Variants in SLC5A10 observed in about 807,000 individuals in gnomAD.
The protein encoded by SLC5A10 is sodium/mannose cotransporter SLC5A10.
Under a neutral mutation model 68.9 loss-of-function variants are expected in SLC5A10, and 55 were observed. That is an observed-to-expected ratio of 0.80 (90% confidence interval 0.64 to 1.00). SLC5A10 has a LOEUF of 1.00. Ranked by LOEUF, SLC5A10 falls within the 50% of genes least tolerant of loss-of-function variation. The probability of loss-of-function intolerance (pLI) is 0.00; values close to 1 mark genes in which losing one functional copy is unlikely to be tolerated. For synonymous variants in SLC5A10, 344 were observed against 344.8 expected (o/e 1.00, Z 0.02); for missense variants, 732 against 819.3 (o/e 0.89, Z 1.30).
chr17:18,952,304 C>T lies in SLC5A10; in HGVS notation c.99C>T (p.Ala33=), dbSNP rs752810535. Residue 33 remains alanine (A), a synonymous_variant, in exon 1 of 15, where the codon GCC becomes GCT. Transcript: ENST00000395645. ...CTGTGTATTTTGCTCTGAATGTGGC[C>T]GTGGGCATATGGGTAAGGGGACCTG... ...VITVYFALNV[A]VGIWSSCRAS... The T allele has an allele frequency of 2.2e-5, 35 of 1,612,466 alleles. No homozygotes were observed. The highest frequency in any genetic ancestry group is 8.9e-5 in the East Asian group (4 of 44,822).
At chr17:18,986,767 C>T (rs1246969495) in intron 9 of SLC5A10, among the ~76,000 whole-genome samples, 6 of 152,212 alleles carry the variant, frequency 3.9e-5, no homozygotes, top group Admixed American at 6.5e-5. Context: ...GCAAAGCACT[C>T]GCTGGGCCTG....
rs775941601 is a variant in SLC5A10 at position 19,003,885 on chromosome 17, C to A, written c.983-9525C>A. ...TCCGAGAGGAAGTCTCGGATGTTCT[C>A]CCGCTTGAGCACCTCGTAGAAGGCG... On this transcript the variant is annotated intron_variant, in intron 9 of 14. Coordinates refer to ENST00000395645, the MANE Select transcript of SLC5A10 (RefSeq NM_001042450.4). The surrounding 1 kb of genome is among the most constrained non-coding windows in gnomAD (Gnocchi z 4.5). 3 of 1,612,940 alleles carry A rather than the reference C, an allele frequency of 1.9e-6. No homozygotes were observed. The South Asian group carries it at 3.3e-5, about 18-fold the overall frequency.
chr17:19,015,215 C>CCGGTACGGGGGTGGGGGT lies in SLC5A10; in HGVS notation c.1241+17_1241+18insGGTACGGGGGTGGGGGTC. The CCGGTACGGGGGTGGGGGT allele has an allele frequency of 1.5e-6, 2 of 1,299,142 alleles. No homozygotes were observed. Among genetic ancestry groups the CCGGTACGGGGGTGGGGGT allele is most frequent in the East Asian group, 2.3e-5 (1 of 42,724 alleles). The allele number at this position is 1,299,142 out of a possible 1,614,324, so 80.5% of individuals were successfully genotyped here. The stretch of plus-strand genomic sequence containing the variant: ...TGGTGGGACGGTACGGGGGTGGGGG[C>CCGGTACGGGGGTGGGGGT]CAGTACGGGGGTGGGGGAACACTAC... On this transcript the variant is annotated intron_variant, in intron 11 of 14. Coordinates refer to ENST00000395645, the MANE Select transcript of SLC5A10 (RefSeq NM_001042450.4).
chr17:18,958,736 G>T lies in SLC5A10; in HGVS notation c.166G>T (p.Asp56Tyr), dbSNP rs762010207. The part of the protein sequence containing the change: ...TVNGYFLAGR[D>Y]MTWWPIGASL... The stretch of plus-strand genomic sequence containing the variant: ...GAATGGCTACTTCCTGGCAGGCCGG[G>T]ACATGACGTGGTGGCCGGTGAGTGC... The change falls in exon 2 of 15, where the codon GAC becomes TAC. Residue 56 changes from aspartate to tyrosine, a missense_variant. By Grantham distance (160) the Asp-to-Tyr change is radical. Transcript: ENST00000395645. 12 of 1,614,196 alleles carry T rather than the reference G, an allele frequency of 7.4e-6. No homozygotes were observed. The highest frequency in any genetic ancestry group is 1.0e-5 in the Non-Finnish European group (12 of 1,180,028).
chr17:18,962,472 G>A (rs559162584), intron 5 of SLC5A10, among the ~76,000 whole-genome samples: 1 of 152,100 alleles, frequency 6.6e-6, no homozygotes, highest in African/African-American at 2.4e-5. Context: ...GGCAGTGGTG[G>A]GGACAAAGGC....
chr17:19,017,602 A>T lies in SLC5A10; in HGVS notation c.1242-1821A>T. 1 of 550,446 alleles carries T rather than the reference A, an allele frequency of 1.8e-6. No individual in the cohort carries two copies. The highest frequency in any genetic ancestry group is 3.3e-6 in the Non-Finnish European group (1 of 306,236). 34.1% of individuals were successfully genotyped at this position (550,446 alleles called of 1,614,324 possible). On this transcript the variant is annotated intron_variant, in intron 11 of 14. Transcript: ENST00000395645. This position sits in a 1 kb window ranked among gnomAD's most constrained non-coding sequence, Gnocchi z 5.6. ...AGCGATGACCCGCCCCCACTCCCGT[A>T]TGCCTGCCCCAAGCCCCCACACCTC... is the stretch of plus-strand genomic sequence containing the variant.
At chr17:18,950,861 G>T (rs1416559214), upstream of SLC5A10, 3 of 186,474 alleles carry the variant, frequency 1.6e-5, no homozygotes, top group Non-Finnish European at 3.0e-5. Context: ...GATTACAGGT[G>T]CGTACCACCA....
rs774025197 is a variant in SLC5A10, at chr17:18,978,162, G to A, written c.982+1173G>A. 7.2e-6 allele frequency: 11 copies of A among 1,531,924 alleles called. No individual in the cohort carries two copies. The East Asian group carries it at 1.4e-4, about 19-fold the overall frequency. 94.9% of individuals were successfully genotyped at this position (1,531,924 alleles called of 1,614,324 possible). A position where few individuals can be genotyped will look rare whatever the true frequency, so the allele number is the denominator to read the frequency against. ...ACTGTCCGGGGCTTGGGCACGGGGG[G>A]CAATGGCTCAGGGTCCCCCTGGGGG... On this transcript the variant is annotated intron_variant, in intron 9 of 14. Coordinates refer to ENST00000395645, the MANE Select transcript of SLC5A10 (RefSeq NM_001042450.4).
At chr17:18,959,351 T>C in intron 3 of SLC5A10, 112 bp downstream of exon 3, 1 of 1,158,582 alleles carries the variant, frequency 8.6e-7, no homozygotes, top group Non-Finnish European at 1.3e-6. Context: ...CCAGGTGGGC[T>C]CTGTGCAGTG....
rs976357914 is a variant in SLC5A10, at chr17:19,017,035, C to T, written c.1241+1836C>T. 5.9e-5 allele frequency among the ~76,000 whole-genome samples: 9 copies of T among 152,190 alleles called. No individual in the cohort carries two copies. Among genetic ancestry groups the T allele is most frequent in the Admixed American group, 3.3e-4 (5 of 15,286 alleles). On this transcript the variant is annotated intron_variant, in intron 11 of 14. Coordinates refer to ENST00000395645, the MANE Select transcript of SLC5A10 (RefSeq NM_001042450.4). This position sits in a 1 kb window ranked among gnomAD's most constrained non-coding sequence, Gnocchi z 5.6. ...AAAGTCTTGACCTGGCCTCCTGCTGCGCCAGCTCACCCAGCTGCCCGTGCC... is the reference window on the plus strand; with the variant it reads ...AAAGTCTTGACCTGGCCTCCTGCTGTGCCAGCTCACCCAGCTGCCCGTGCC...
In SLC5A10 at chr17:19,017,398, G is replaced by A; in HGVS notation, c.1242-2025G>A. On this transcript the variant is annotated intron_variant, in intron 11 of 14. Coordinates refer to ENST00000395645, the MANE Select transcript of SLC5A10 (RefSeq NM_001042450.4). The surrounding 1 kb of genome is among the most constrained non-coding windows in gnomAD (Gnocchi z 5.6). ...GCCTCGTGGTCATGGATCTCTGGTA[G>A]GGTGAATGGCCTGACAACAGTCTCT... 6.4e-7 allele frequency: 1 copy of A among 1,550,920 alleles called. No individual in the cohort carries two copies. The highest frequency in any genetic ancestry group is 1.2e-5 in the South Asian group (1 of 84,022).
intron 9 of SLC5A10, among the ~76,000 whole-genome samples, chr17:18,985,095 C>G: frequency 6.6e-6 from 1 of 152,212 alleles, no homozygotes; most frequent in East Asian, 1.9e-4. Context: ...CAGCCAGACC[C>G]TGGCGCAGAG....
chr17:18,994,681 A>G (rs1567802148), intron 9 of SLC5A10, among the ~76,000 whole-genome samples: 1 of 152,136 alleles, frequency 6.6e-6, no homozygotes, highest in East Asian at 1.9e-4. Flanking sequence ...CAGGTCCTGC[A>G]GGGGGTGTCC....
intron 11 of SLC5A10, among the ~76,000 whole-genome samples, chr17:19,015,500 C>A (rs149948283): frequency 1.6e-4 from 25 of 152,312 alleles, no homozygotes; most frequent in African/African-American, 5.1e-4. Context: ...AAAACCTGGG[C>A]CCCCATTCCT....
At chr17:18,958,058 C>T (rs971040775) in intron 1 of SLC5A10, among the ~76,000 whole-genome samples, 8 of 152,202 alleles carry the variant, frequency 5.3e-5, no homozygotes, top group African/African-American at 1.9e-4. Context: ...TGCATCAGAG[C>T]TTCATTCCCA....
chr17:18,979,627 G>A lies in SLC5A10; in HGVS notation c.982+2638G>A, dbSNP rs371129276. 32 of 1,613,348 alleles carry A rather than the reference G, an allele frequency of 2.0e-5. No individual in the cohort carries two copies. Among genetic ancestry groups the A allele is most frequent in the Middle Eastern group, 1.6e-4 (1 of 6,074 alleles). On this transcript the variant is annotated intron_variant, in intron 9 of 14. Transcript: ENST00000395645. ...CAGGGCACCCTTGAACTTGGTTGCC[G>A]ACCGCGTGAAGAACTCAGTTCCCCC...
chr17:18,971,814 C>T lies in SLC5A10; in HGVS notation c.846+596C>T, dbSNP rs2042863814. On this transcript the variant is annotated intron_variant, in intron 8 of 14. Transcript: ENST00000395645. The surrounding 1 kb of genome is among the most constrained non-coding windows in gnomAD (Gnocchi z 5.5). Reference sequence around the variant, plus strand: ...GCCAACCCCGCCCCAGCACAGGACCCTGCTCAGGCACACAGGAGCCGGCAG... The same window carrying T: ...GCCAACCCCGCCCCAGCACAGGACCTTGCTCAGGCACACAGGAGCCGGCAG... The T allele has an allele frequency of 2.0e-6, 3 of 1,499,206 alleles. No homozygotes were observed. The highest frequency in any genetic ancestry group is 2.7e-6 in the Non-Finnish European group (3 of 1,122,518). 92.9% of individuals were successfully genotyped at this position (1,499,206 alleles called of 1,614,324 possible).
chr17:18,969,441 G>A lies in SLC5A10; in HGVS notation c.640+19G>A. 3 of 1,609,912 alleles carry A rather than the reference G, an allele frequency of 1.9e-6. No individual in the cohort carries two copies. Among genetic ancestry groups the A allele is most frequent in the Non-Finnish European group, 2.5e-6 (3 of 1,176,822 alleles). On this transcript the variant is annotated intron_variant, in intron 7 of 14. Transcript: ENST00000395645. ...ATCAAAGGTGAGGACAGAGTCTGTGGCCATGGCGGGGCTGTCCCCACAGCG... is the reference window on the plus strand; with the variant it reads ...ATCAAAGGTGAGGACAGAGTCTGTGACCATGGCGGGGCTGTCCCCACAGCG...
At chr17:18,977,413 G>A (rs1819546233) in intron 9 of SLC5A10, 1 of 664,752 alleles carries the variant, frequency 1.5e-6, no homozygotes. Context: ...CCTTCCATAT[G>A]GCCCTGGCCG....
Sources: allele counts gnomAD v4.1 joint callset (sites outside exome capture counted in the v4.1 genomes callset), GRCh38; gene constraint gnomAD v4.1.1; non-coding constraint Gnocchi (gnomAD v3.1); transcripts MANE v1.5; gene names NCBI Gene and HGNC (gene_info 2026-07-23, HGNC 2026-07-21).